Variants in GABRB3 observed in about 807,000 individuals in gnomAD.
The protein encoded by GABRB3 is gamma-aminobutyric acid type A receptor subunit beta3, also known as gamma-aminobutyric acid receptor subunit beta-3.
A neutral mutation model predicts 52.1 loss-of-function variants in GABRB3; 14 were observed. That is an observed-to-expected ratio of 0.27 (90% CI 0.18 to 0.42). The LOEUF (loss-of-function observed/expected upper bound fraction) is 0.42. Among genes scored for constraint, GABRB3 ranks in the 10% least tolerant of loss-of-function variants. The pLI is 1.00. For missense variants in GABRB3, 307 were observed against 609.1 expected, an observed-to-expected ratio of 0.50 and a Z score of 5.22; for synonymous variants, 260 against 232.3, an observed-to-expected ratio of 1.12 and a Z score of -1.08.
intron 6 of GABRB3, among the ~76,000 whole-genome samples, chr15:26,577,091 G>A (rs927314883): frequency 1.3e-5 from 2 of 152,122 alleles, no homozygotes; most frequent in African/African-American, 4.8e-5. Context: ...TGACAAGATC[G>A]GGTACGTGTG....
chr15:26,735,915 A>G (rs996669976), intron 3 of GABRB3, among the ~76,000 whole-genome samples: 1 of 151,480 alleles, frequency 6.6e-6, no homozygotes, highest in Non-Finnish European at 1.5e-5. Flanking sequence ...TGACCGTATC[A>G]CTGCACTCCA....
rs934583507 is a variant in GABRB3, at chr15:26,624,398, C to T, written c.241-2864G>A. ...TAACCCCGCATGCTTACGCCTGAGTCGCGATGTCTAGCGCCCTTCTCAGAG... is the reference window on the plus strand; with the variant it reads ...TAACCCCGCATGCTTACGCCTGAGTTGCGATGTCTAGCGCCCTTCTCAGAG... On this transcript the variant is annotated intron_variant, in intron 3 of 8. Transcript: ENST00000311550. The T allele has an allele frequency of 2.9e-5, 29 of 985,396 alleles. No individual in the cohort carries two copies. The African/African-American group carries it at 4.7e-4, about 16-fold the overall frequency. 61.0% of individuals were successfully genotyped at this position (985,396 alleles called of 1,614,324 possible).
At chr15:26,566,515 C>A (rs138912993) in intron 7 of GABRB3, among the ~76,000 whole-genome samples, 1 of 152,200 alleles carries the variant, frequency 6.6e-6, no homozygotes, top group Non-Finnish European at 1.5e-5. Context: ...CGCTTGAGGC[C>A]AAGAGTTCAA....
chr15:26,573,759 T>C (rs550036176), intron 6 of GABRB3, among the ~76,000 whole-genome samples: 2 of 152,304 alleles, frequency 1.3e-5, no homozygotes, highest in East Asian at 3.9e-4. Context: ...CCAAAATACA[T>C]AAAGAATGCG....
At chr15:26,764,189 T>A (rs1890928159) in intron 3 of GABRB3, among the ~76,000 whole-genome samples, 3 of 4,148 alleles carry the variant, frequency 7.2e-4, no homozygotes, top group Admixed American at 3.8e-3. Context: ...AATATATATA[T>A]ATATATATAT....
chr15:26,618,942 G>T (rs2140531728), intron 4 of GABRB3, among the ~76,000 whole-genome samples: 1 of 148,600 alleles, frequency 6.7e-6, no homozygotes, highest in African/African-American at 2.5e-5. Flanking sequence ...GGCCATCAGA[G>T]AAATGCAAAT....
chr15:26,623,780 A>T (rs1892577754), intron 3 of GABRB3, among the ~76,000 whole-genome samples: 1 of 151,972 alleles, frequency 6.6e-6, no homozygotes, highest in Admixed American at 6.6e-5. Context: ...CTGAGCCTGC[A>T]CACCCCGTGT....
intron 3 of GABRB3, among the ~76,000 whole-genome samples, chr15:26,749,195 C>T (rs1192228382): frequency 6.6e-6 from 1 of 151,898 alleles, no homozygotes; most frequent in Admixed American, 6.6e-5. Context: ...TTTAACTGTG[C>T]ACTCCAAATT....
intron 3 of GABRB3, among the ~76,000 whole-genome samples, chr15:26,647,530 G>A (rs1838424590): frequency 6.6e-6 from 1 of 152,102 alleles, no homozygotes; most frequent in South Asian, 2.1e-4. Context: ...TTGTTTCTTT[G>A]TGCAGATCAT....
At chr15:26,671,500 T>A (rs1328223535) in intron 3 of GABRB3, among the ~76,000 whole-genome samples, 2 of 152,298 alleles carry the variant, frequency 1.3e-5, no homozygotes, top group East Asian at 3.9e-4. Flanking sequence ...AAAAAGAGAA[T>A]CTCTGGGTGA....
In GABRB3 at chr15:26,624,255, T is replaced by C. The variant is rs1007686887; in HGVS notation, c.241-2721A>G. On this transcript the variant is annotated intron_variant, in intron 3 of 8. Transcript: ENST00000311550. ...GCTGGAACTGAGGCGTGCAAAGTTG[T>C]GGTTTCACAACAAAAGGAGGATGTG... 3.0e-6 allele frequency: 3 copies of C among 985,628 alleles called. No individual in the cohort carries two copies. The African/African-American group carries it at 5.2e-5, about 17-fold the overall frequency. The allele number at this position is 985,628 out of a possible 1,614,324, so 61.1% of individuals were successfully genotyped here. A position where few individuals can be genotyped will look rare whatever the true frequency, so the allele number is the denominator to read the frequency against.
intron 3 of GABRB3, among the ~76,000 whole-genome samples, chr15:26,660,155 G>A (rs1212892550): frequency 6.6e-5 from 10 of 151,732 alleles, no homozygotes; most frequent in African/African-American, 1.5e-4. Context: ...GCTTGAACCC[G>A]GGAGGTGGAG....
intron 6 of GABRB3, among the ~76,000 whole-genome samples, chr15:26,568,500 C>T (rs1367247408): frequency 7.3e-6 from 1 of 137,708 alleles, no homozygotes; most frequent in Non-Finnish European, 1.5e-5. Flanking sequence ...GTTTTCCTTT[C>T]TTTTTTTTTT....
chr15:26,684,496 C>CAAG (rs1888339478), intron 3 of GABRB3, among the ~76,000 whole-genome samples: 1 of 152,170 alleles, frequency 6.6e-6, no homozygotes, highest in Non-Finnish European at 1.5e-5. Context: ...CACAACTTGG[C>CAAG]TGTTTGGTGC....
intron 3 of GABRB3, among the ~76,000 whole-genome samples, chr15:26,739,730 T>C (rs1043927236): frequency 1.3e-5 from 2 of 152,236 alleles, no homozygotes; most frequent in African/African-American, 2.4e-5. Flanking sequence ...ATATATGTGA[T>C]ATTTTGTTAT....
At chr15:26,615,500 G>A (rs1892222292) in intron 4 of GABRB3, 1 of 940,356 alleles carries the variant, frequency 1.1e-6, no homozygotes, top group Non-Finnish European at 1.3e-6. Context: ...AATGGCTCAT[G>A]ATTTAAAACA....
intron 3 of GABRB3, among the ~76,000 whole-genome samples, chr15:26,676,441 A>C (rs546518661): frequency 6.6e-6 from 1 of 152,184 alleles, no homozygotes; most frequent in Non-Finnish European, 1.5e-5. Flanking sequence ...GGTAGGACTA[A>C]AACTACCACT....
At chr15:26,738,407 G>T (rs549483031) in intron 3 of GABRB3, among the ~76,000 whole-genome samples, 1 of 152,284 alleles carries the variant, frequency 6.6e-6, no homozygotes, top group Middle Eastern at 3.4e-3. Flanking sequence ...TGACAAAAAG[G>T]ACGGATTTCT....
chr15:26,711,609 G>A (rs1347615132), intron 3 of GABRB3, among the ~76,000 whole-genome samples: 2 of 152,074 alleles, frequency 1.3e-5, no homozygotes, highest in Non-Finnish European at 1.5e-5. Context: ...CCATTCTTCT[G>A]AGCCTTAGCG....
Sources: gnomAD v4.1 joint callset for allele counts (sites outside exome capture counted in the v4.1 genomes callset) on GRCh38, gnomAD v4.1.1 for gene constraint, MANE v1.5 for transcripts, NCBI Gene and HGNC (gene_info 2026-07-23, HGNC 2026-07-21) for gene names.